The following FMN2 variants were observed in gnomAD, a reference collection of about 807,000 sequenced individuals.
The protein encoded by FMN2 is formin 2, also known as formin-2.
A neutral mutation model predicts 142.3 loss-of-function variants in FMN2; 51 were observed. That is an observed-to-expected ratio of 0.36 (90% CI 0.29 to 0.45). The LOEUF is 0.45. Among genes scored for constraint, FMN2 ranks in the 20% least tolerant of loss-of-function variants. The pLI is 1.00. For missense variants in FMN2, 1,936 were observed against 2,122.8 expected (o/e 0.91, Z 1.73); for synonymous variants, 882 against 869.8 (o/e 1.01, Z -0.25).
At position 240,092,119 on chromosome 1, in the gene FMN2, C is replaced by A; in HGVS notation, c.10C>A (p.Gln4Lys). The change falls in exon 1 of 18, where the codon CAG (glutamine) becomes AAG (lysine). Residue 4 changes from glutamine (Q) to lysine (K), a missense_variant. Gln to Lys is a moderately conservative substitution (Grantham distance 53). Transcript: ENST00000319653. Reference sequence around the variant, plus strand: ...GCAGCGGGATTGCACCATGGGGAACCAGGATGGGAAGCTGAAGAGGAGCGC... The same window carrying A: ...GCAGCGGGATTGCACCATGGGGAACAAGGATGGGAAGCTGAAGAGGAGCGC... MGN[Q>K]DGKLKRSAGD... 2.6e-6 allele frequency: 4 copies of A among 1,552,558 alleles called. No individual in the cohort carries two copies. The highest frequency in any genetic ancestry group is 3.5e-6 in the Non-Finnish European group (4 of 1,149,060).
chr1:240,189,772 A>G (rs1283218497), intron 4 of FMN2, among the ~76,000 whole-genome samples: 1 of 152,262 alleles, frequency 6.6e-6, no homozygotes, highest in Non-Finnish European at 1.5e-5. Flanking sequence ...TGCAATGATT[A>G]GCCCACAGCG....
At chr1:240,393,032 CTCT>C (rs1266583947) in intron 15 of FMN2, among the ~76,000 whole-genome samples, 1 of 152,158 alleles carries the variant, frequency 6.6e-6, no homozygotes, top group African/African-American at 2.4e-5. Flanking sequence ...CCTCCATTTT[CTCT>C]TCTTCTCGCA....
At chr1:240,375,973 C>A (rs1673029039) in intron 14 of FMN2, among the ~76,000 whole-genome samples, 1 of 151,942 alleles carries the variant, frequency 6.6e-6, no homozygotes, top group South Asian at 2.1e-4. Flanking sequence ...TTAGTTTTTG[C>A]ATTATGTATT....
At chr1:240,283,600 T>C (rs567640288) in intron 7 of FMN2, among the ~76,000 whole-genome samples, 3 of 152,322 alleles carry the variant, frequency 2.0e-5, no homozygotes, top group South Asian at 2.1e-4. Flanking sequence ...TCTGGCATGA[T>C]ACAATAATGT....
chr1:240,326,375 A>C (rs1214429629), intron 8 of FMN2, among the ~76,000 whole-genome samples: 2 of 152,194 alleles, frequency 1.3e-5, no homozygotes, highest in African/African-American at 2.4e-5. Context: ...GGACTGTGCA[A>C]TTAGTAATTC....
At chr1:240,184,452 G>C (rs1362626031) in intron 3 of FMN2, among the ~76,000 whole-genome samples, 1 of 149,072 alleles carries the variant, frequency 6.7e-6, no homozygotes, top group Non-Finnish European at 1.5e-5. Context: ...GCCTGACCTT[G>C]TGATCTGCCC....
In FMN2 at chr1:240,451,232, G is replaced by C. The variant is rs181554198; in HGVS notation, c.5060+13022G>C. On this transcript the variant is annotated intron_variant, in intron 16 of 17. Transcript: ENST00000319653. ...AATACAAAAATTAGCTGGGCGCGGT[G>C]GTGGGTACCTGTAATCCTCATGAGG... is the stretch of plus-strand genomic sequence containing the variant. 6.1e-4 allele frequency among the ~76,000 whole-genome samples: 93 copies of C among 151,516 alleles called. 1 individual carries two copies. Among genetic ancestry groups the C allele is most frequent in the Admixed American group, 2.1e-3 (32 of 15,248 alleles).
chr1:240,139,540 A>G (rs570452161), intron 2 of FMN2, among the ~76,000 whole-genome samples: 17 of 152,336 alleles, frequency 1.1e-4, no homozygotes, highest in African/African-American at 3.8e-4. Context: ...CAATAAGGGG[A>G]AAAAAGCTAC....
At chr1:240,312,790 G>A (rs566261596) in intron 8 of FMN2, among the ~76,000 whole-genome samples, 61 of 152,136 alleles carry the variant, frequency 4.0e-4, no homozygotes, top group Non-Finnish European at 7.4e-4. Context: ...GTAACAGAAA[G>A]CAGAGTAACA....
chr1:240,426,854 T>C (rs1427719647), intron 15 of FMN2, among the ~76,000 whole-genome samples: 1 of 152,056 alleles, frequency 6.6e-6, no homozygotes, highest in African/African-American at 2.4e-5. Flanking sequence ...TCCTCCTGCC[T>C]CAGCCTCCCA....
intron 2 of FMN2, chr1:240,154,590 C>G (rs1276612599): frequency 6.6e-6 from 1 of 152,054 alleles, no homozygotes; most frequent in South Asian, 2.1e-4. Context: ...TAGGCACATC[C>G]GCAATCCCAA....
chr1:240,174,959 A>C (rs1203844046), intron 2 of FMN2, among the ~76,000 whole-genome samples: 1 of 152,178 alleles, frequency 6.6e-6, no homozygotes, highest in Non-Finnish European at 1.5e-5. Context: ...GAAAGTCTGT[A>C]CCCGTTACAT....
intron 8 of FMN2, among the ~76,000 whole-genome samples, chr1:240,306,055 T>C (rs909726657): frequency 2.0e-5 from 3 of 151,662 alleles, no homozygotes; most frequent in African/African-American, 7.3e-5. Context: ...GTTCAAGTGA[T>C]TCTCCTGCCT....
At chr1:240,469,842 A>G (rs537286655) in intron 16 of FMN2, among the ~76,000 whole-genome samples, 1 of 152,250 alleles carries the variant, frequency 6.6e-6, no homozygotes, top group East Asian at 1.9e-4. Flanking sequence ...CATTGTCCCT[A>G]TAATGTTGAG....
chr1:240,342,817 A>G (rs1161224039), intron 13 of FMN2, among the ~76,000 whole-genome samples: 1 of 152,186 alleles, frequency 6.6e-6, no homozygotes, highest in Admixed American at 6.5e-5. Flanking sequence ...TAGCTCATAG[A>G]CTAAAAAGAG....
Position 240,209,858 on chromosome 1 carries a change from C to T in FMN2, c.3920+1126C>T, listed in dbSNP as rs373690020. ...GGCGGAGCTTGCAGTGAGCCGAGATCGCGCCACTGCACTCCAGCCTGGGCG... is the reference window on the plus strand; with the variant it reads ...GGCGGAGCTTGCAGTGAGCCGAGATTGCGCCACTGCACTCCAGCCTGGGCG... On this transcript the variant is annotated intron_variant, in intron 5 of 17. Coordinates refer to ENST00000319653, the MANE Select transcript of FMN2 (RefSeq NM_020066.5). 3.5e-3 allele frequency among the ~76,000 whole-genome samples: 529 copies of T among 151,860 alleles called. 3 individuals are homozygous for T. Among genetic ancestry groups the T allele is most frequent in the South Asian group, 0.026 (126 of 4,804 alleles).
At chr1:240,235,164 A>AGG (rs1667660175) in intron 6 of FMN2, among the ~76,000 whole-genome samples, 1 of 152,216 alleles carries the variant, frequency 6.6e-6, no homozygotes, top group Non-Finnish European at 1.5e-5. Context: ...AAAATGAGAA[A>AGG]GGGGGAAAAG....
At chr1:240,469,485 G>C (rs1334347835) in intron 16 of FMN2, among the ~76,000 whole-genome samples, 1 of 152,098 alleles carries the variant, frequency 6.6e-6, no homozygotes, top group Non-Finnish European at 1.5e-5. Flanking sequence ...AAACCAGTTG[G>C]AACTCTTGCC....
intron 2 of FMN2, among the ~76,000 whole-genome samples, chr1:240,148,225 GAGAC>G (rs1663575074): frequency 4.1e-5 from 2 of 48,194 alleles, no homozygotes; most frequent in Non-Finnish European, 1.3e-4. Flanking sequence ...CAGAGACAGA[GAGAC>G]AGAGACCGAG....
Sources: allele counts gnomAD v4.1 joint callset (sites outside exome capture counted in the v4.1 genomes callset), GRCh38; gene constraint gnomAD v4.1.1; transcripts MANE v1.5; gene names NCBI Gene and HGNC (gene_info 2026-07-23, HGNC 2026-07-21).